MIPOL1: variants seen among roughly 807,000 people sequenced by gnomAD.
MIPOL1 encodes the protein mirror-image polydactyly 1.
Under a neutral mutation model 60.9 loss-of-function variants are expected in MIPOL1, and 57 were observed. The ratio of observed to expected loss-of-function variants is 0.94; its 90% confidence interval spans 0.76 to 1.17. MIPOL1 has a LOEUF of 1.17. Ranked by LOEUF, MIPOL1 falls within the 50% of genes most tolerant of loss-of-function variation. The pLI is 0.00. For synonymous variants in MIPOL1, 179 were observed against 168.8 expected, an observed-to-expected ratio of 1.06 and a Z score of -0.47; for missense variants, 551 against 511.6, an observed-to-expected ratio of 1.08 and a Z score of -0.74.
At chr14:37,323,500 T>C (rs2088832339) in intron 9 of MIPOL1, among the ~76,000 whole-genome samples, 1 of 151,710 alleles carries the variant, frequency 6.6e-6, no homozygotes, top group South Asian at 2.1e-4. Context: ...TAGTTAAGTG[T>C]ATTAGAGATT....
chr14:37,298,291 A>G (rs1165093007), intron 7 of MIPOL1, among the ~76,000 whole-genome samples: 1 of 152,204 alleles, frequency 6.6e-6, no homozygotes, highest in Non-Finnish European at 1.5e-5. Flanking sequence ...ACCTTATACA[A>G]AAATTAATTC....
chr14:37,525,201 G>A (rs547818300), intron 12 of MIPOL1, among the ~76,000 whole-genome samples: 13 of 152,300 alleles, frequency 8.5e-5, no homozygotes, highest in African/African-American at 2.9e-4. Flanking sequence ...GGAATTACTG[G>A]TTAAATATAA....
At chr14:37,496,072 G>A (rs1407168970) in intron 11 of MIPOL1, among the ~76,000 whole-genome samples, 2 of 151,960 alleles carry the variant, frequency 1.3e-5, no homozygotes, top group African/African-American at 4.8e-5. Flanking sequence ...ATCCCATTTT[G>A]TAGGTTGCCT....
chr14:37,418,930 G>T (rs2153546705), intron 10 of MIPOL1, among the ~76,000 whole-genome samples: 1 of 151,954 alleles, frequency 6.6e-6, no homozygotes, highest in South Asian at 2.1e-4. Context: ...ACTTTATATA[G>T]CTATATATAT....
intron 12 of MIPOL1, among the ~76,000 whole-genome samples, chr14:37,509,499 A>G (rs2095308297): frequency 6.6e-6 from 1 of 151,940 alleles, no homozygotes; most frequent in South Asian, 2.1e-4. Context: ...GATGAATTAT[A>G]GAACAGGATA....
intron 10 of MIPOL1, among the ~76,000 whole-genome samples, chr14:37,403,432 C>CT (rs11415779): frequency 0.9 from 84,498 of 94,124 alleles, 38,444 homozygotes; most frequent in South Asian, 0.94. Flanking sequence ...AGGTTTCTAG[C>CT]TTTTTTTTTT....
intron 6 of MIPOL1, chr14:37,276,962 G>A (rs1346056545): frequency 6.6e-6 from 1 of 151,056 alleles, no homozygotes; most frequent in Non-Finnish European, 1.5e-5. Flanking sequence ...TCTGACGAGT[G>A]CCAGGTCAAA....
chr14:37,392,654 G>GT (rs1181738931), intron 10 of MIPOL1, among the ~76,000 whole-genome samples: 1 of 152,068 alleles, frequency 6.6e-6, no homozygotes, highest in African/African-American at 2.4e-5. Flanking sequence ...GTTAGCTGTG[G>GT]TTTTTTTGTA....
rs902792873 is a variant in MIPOL1, at chr14:37,547,368, T to A, written c.*397T>A. 3 of 171,310 alleles carry A rather than the reference T, an allele frequency of 1.8e-5. No homozygotes were observed. Among genetic ancestry groups the A allele is most frequent in the African/African-American group, 7.2e-5 (3 of 41,840 alleles). 10.6% of individuals were successfully genotyped at this position (171,310 alleles called of 1,614,324 possible). A position where few individuals can be genotyped will look rare whatever the true frequency, so the allele number is the denominator to read the frequency against. On this transcript the variant is annotated 3_prime_UTR_variant, in exon 13 of 13. Transcript: ENST00000684589. ...CGGCAAAGTAAATATTGTCTAAGCT[T>A]TAATCCACTGTGTTAGGTCAAAACT... is the stretch of plus-strand genomic sequence containing the variant.
chr14:37,342,237 C>T (rs1351131494), intron 9 of MIPOL1, among the ~76,000 whole-genome samples: 1 of 151,626 alleles, frequency 6.6e-6, no homozygotes, highest in Non-Finnish European at 1.5e-5. Context: ...TGGTGTGTGC[C>T]CCCCAGCTAT....
chr14:37,237,674 A>G (rs910509), intron 1 of MIPOL1, among the ~76,000 whole-genome samples: 68,433 of 151,926 alleles, frequency 0.45, 17,899 homozygotes, highest in African/African-American at 0.73. Context: ...TCAACTCCTG[A>G]CCTTAAATGA....
intron 4 of MIPOL1, 67 bp from the exon 5 acceptor site, chr14:37,268,591 T>C: frequency 8.3e-7 from 1 of 1,211,648 alleles, no homozygotes; most frequent in Non-Finnish European, 1.2e-6. Context: ...TGTTCTCAAG[T>C]AGCATACAAA....
chr14:37,293,513 C>T (rs1436190528), intron 7 of MIPOL1, among the ~76,000 whole-genome samples: 4 of 152,126 alleles, frequency 2.6e-5, no homozygotes, highest in Non-Finnish European at 5.9e-5. Context: ...GGCGAGGCAT[C>T]GTGTCACCCG....
intron 1 of MIPOL1, among the ~76,000 whole-genome samples, chr14:37,205,991 C>T (rs368014439): frequency 6.6e-6 from 1 of 152,138 alleles, no homozygotes; most frequent in Non-Finnish European, 1.5e-5. Flanking sequence ...AGAAAATTTG[C>T]AGCCTGACCC....
intron 9 of MIPOL1, among the ~76,000 whole-genome samples, chr14:37,356,248 G>T (rs1270091087): frequency 6.6e-6 from 1 of 151,746 alleles, no homozygotes; most frequent in Non-Finnish European, 1.5e-5. Context: ...CCCACTTGAG[G>T]AGTCAGTCTG....
At chr14:37,386,090 T>G (rs778919815) in intron 10 of MIPOL1, among the ~76,000 whole-genome samples, 2 of 152,098 alleles carry the variant, frequency 1.3e-5, no homozygotes, top group Non-Finnish European at 2.9e-5. Flanking sequence ...CTGTCATCTC[T>G]TAGCTGGTCA....
In MIPOL1 at chr14:37,443,558, T is replaced by C. The variant is rs775292460; in HGVS notation, c.1031+20609T>C. On this transcript the variant is annotated intron_variant, in intron 11 of 12. Transcript: ENST00000684589. ...AGAGAAACTTCAGGCCCAAGTGTCT[T>C]CATGGTGAGTCTTGCCAACCATATA... 2.5e-4 allele frequency among the ~76,000 whole-genome samples: 38 copies of C among 151,454 alleles called. No individual in the cohort carries two copies. In the Middle Eastern group the frequency reaches 0.01, roughly 42 times the overall value.
At chr14:37,273,688 A>C (rs2083453427) in intron 6 of MIPOL1, among the ~76,000 whole-genome samples, 1 of 151,466 alleles carries the variant, frequency 6.6e-6, no homozygotes, top group Non-Finnish European at 1.5e-5. Flanking sequence ...GAAGACCAAA[A>C]TCCTTAGAGT....
Position 37,200,879 on chromosome 14 carries a change from TGTGTGTGTGTGTGTGTGTGTA to T in MIPOL1, c.-199+2776_-199+2796del, listed in dbSNP as rs1274310111. Among the ~76,000 whole-genome samples, 36 of 107,112 alleles carry T rather than the reference TGTGTGTGTGTGTGTGTGTGTA, an allele frequency of 3.4e-4. 3 individuals carry two copies. The highest frequency in any genetic ancestry group is 2.0e-3 in the African/African-American group (34 of 17,200). 70.3% of individuals were successfully genotyped at this position (107,112 alleles called of 152,430 possible). On this transcript the variant is annotated intron_variant, in intron 1 of 12. Transcript: ENST00000684589. ...GTGTGTGTGTGTGTGTGTGTGTGTGTGTGTGTGTGTGTGTGTGTGTATTTTTTTTTTTTTTTTTTTTGAGAC... is the reference window on the plus strand; with the variant it reads ...GTGTGTGTGTGTGTGTGTGTGTGTGTTTTTTTTTTTTTTTTTTTTTGAGAC...
Sources: allele counts gnomAD v4.1 joint callset (sites outside exome capture counted in the v4.1 genomes callset), GRCh38; gene constraint gnomAD v4.1.1; transcripts MANE v1.5; gene names NCBI Gene and HGNC (gene_info 2026-07-23, HGNC 2026-07-21).